The following WEE1 variants were observed in gnomAD, a reference collection of about 807,000 sequenced individuals.
The protein encoded by WEE1 is WEE1 G2 checkpoint kinase.
Under a neutral mutation model 68.8 loss-of-function variants are expected in WEE1, and 16 were observed. That is an observed-to-expected ratio of 0.23 (90% CI 0.16 to 0.35). WEE1 has a LOEUF of 0.35. Among genes scored for constraint, WEE1 ranks in the 10% least tolerant of loss-of-function variants. The pLI is 1.00. For missense variants in WEE1, 651 were observed against 824.1 expected, an observed-to-expected ratio of 0.79 and a Z score of 2.57; for synonymous variants, 349 against 318.7, an observed-to-expected ratio of 1.09 and a Z score of -1.01.
intron 10 of WEE1, 118 bp downstream of exon 10, chr11:9,586,974 TG>T (rs1224598259): frequency 8.0e-7 from 1 of 1,246,130 alleles, no homozygotes; most frequent in Non-Finnish European, 1.1e-6. Context: ...TTGTGTTTTT[TG>T]TTTTTTGAGA....
At chr11:9,587,336 T>C (rs906459370) in intron 10 of WEE1, among the ~76,000 whole-genome samples, 2 of 152,144 alleles carry the variant, frequency 1.3e-5, no homozygotes, top group African/African-American at 4.8e-5. Flanking sequence ...CCTATTAAAT[T>C]TGTGTTGTTT....
intron 8 of WEE1, 60 bp downstream of exon 8, chr11:9,585,587 A>G (rs1212528417): frequency 7.6e-7 from 1 of 1,318,784 alleles, no homozygotes; most frequent in African/African-American, 1.5e-5. Context: ...TTGATAGAAG[A>G]ATATAAATTC....
chr11:9,589,441 C>T lies in WEE1; in HGVS notation c.*839C>T. The T allele has an allele frequency of 1.0e-6, 1 of 985,002 alleles. No homozygotes were observed. Among genetic ancestry groups the T allele is most frequent in the Non-Finnish European group, 1.2e-6 (1 of 829,638 alleles). 61.0% of individuals were successfully genotyped at this position (985,002 alleles called of 1,614,324 possible). ...TAAATGTCTCCCCCTAAGTTTTATA[C>T]TTGATTGTATTATTAGTCTGTTTTT... is the stretch of plus-strand genomic sequence containing the variant. On this transcript the variant is annotated 3_prime_UTR_variant, in exon 11 of 11. Coordinates refer to ENST00000450114, the MANE Select transcript of WEE1 (RefSeq NM_003390.4).
chr11:9,589,107 A>G lies in WEE1; in HGVS notation c.*505A>G. On this transcript the variant is annotated 3_prime_UTR_variant, in exon 11 of 11. Transcript: ENST00000450114. ...GCACTTTGTAGGCATTGCATGAACC[A>G]TGGGATGATGATTCTGTGGAGGTAT... The G allele has an allele frequency of 2.0e-6, 2 of 985,722 alleles. No individual in the cohort carries two copies. Among genetic ancestry groups the G allele is most frequent in the Non-Finnish European group, 2.4e-6 (2 of 829,930 alleles). The allele number at this position is 985,722 out of a possible 1,614,324, so 61.1% of individuals were successfully genotyped here.
chr11:9,575,054 C>T, intron 1 of WEE1: 1 of 985,696 alleles, frequency 1.0e-6, no homozygotes, highest in Non-Finnish European at 1.2e-6. Context: ...AAAGGCTGGC[C>T]TTCCAAGCAT....
At chr11:9,581,277 C>A in intron 5 of WEE1, 1 of 382,940 alleles carries the variant, frequency 2.6e-6, no homozygotes. Context: ...CTGGTTTACT[C>A]TGAGAAAGAA....
intron 5 of WEE1, chr11:9,578,879 TTTTATTTATTTATTTA>T (rs61158431): frequency 7.3e-4 from 104 of 142,242 alleles, no homozygotes; most frequent in African/African-American, 2.4e-3. Flanking sequence ...GAAAATAAGT[TTTTATTTATTTATTTA>T]TTTATTTATT....
chr11:9,574,418 G>T lies in WEE1; in HGVS notation c.485G>T (p.Gly162Val), dbSNP rs1849540648. The change falls in exon 1 of 11, where the codon GGC becomes GTC. Residue 162 changes from glycine to valine, a missense_variant. This residue lies in a region of WEE1 where 395 missense variants were observed against 378.4 expected (regional missense o/e 1.04). Coordinates refer to ENST00000450114, the MANE Select transcript of WEE1 (RefSeq NM_003390.4). The surrounding 1 kb of genome is among the most constrained non-coding windows in gnomAD (Gnocchi z 4.9). ...RGCGARRAGE[G>V]RRSPRPDHPG... ...TGCGGGGCGCGCCGGGCGGGCGAAG[G>T]CCGCCGCTCGCCGCGGCCGGACCAC... The T allele has an allele frequency of 8.2e-7, 1 of 1,217,844 alleles. No individual in the cohort carries two copies. Among genetic ancestry groups the T allele is most frequent in the Non-Finnish European group, 1.0e-6 (1 of 984,514 alleles). 75.4% of individuals were successfully genotyped at this position (1,217,844 alleles called of 1,614,324 possible).
intron 5 of WEE1, chr11:9,578,617 A>G (rs1379804588): frequency 6.6e-6 from 1 of 152,218 alleles, no homozygotes; most frequent in Non-Finnish European, 1.5e-5. Flanking sequence ...TTTGTTAGAC[A>G]CCATCTCTTT....
At position 9,577,920 on chromosome 11, in the gene WEE1, T is replaced by C. The variant is rs12575651; in HGVS notation, c.1141+657T>C. 603 of 456,068 alleles carry C rather than the reference T, an allele frequency of 1.3e-3. 5 individuals are homozygous for C. The East Asian group carries it at 0.033, about 25-fold the overall frequency. The allele number at this position is 456,068 out of a possible 1,614,324, so 28.3% of individuals were successfully genotyped here. On this transcript the variant is annotated intron_variant, in intron 5 of 10. Transcript: ENST00000450114. ...GGTAAGTCCTTCAAGGGCCGACTTA[T>C]GTCTCTCCTTTTCTATTAAAAACCT...
chr11:9,575,446 T>C (rs1849555529), intron 1 of WEE1: 4 of 1,014,538 alleles, frequency 3.9e-6, no homozygotes, highest in Non-Finnish European at 4.7e-6. Flanking sequence ...CGAGCTGTAC[T>C]GTTTATTGGC....
Position 9,576,053 on chromosome 11 carries a change from T to G in WEE1, c.742T>G (p.Ser248Ala). 6.2e-7 allele frequency: 1 copy of G among 1,614,192 alleles called. No homozygotes were observed. Reference sequence around the variant, plus strand: ...TCCGGATTCTTTGTTGCTTCATTCCTCAGGACAGTGTCGTCGTAGAAAGAG... The same window carrying G: ...TCCGGATTCTTTGTTGCTTCATTCCGCAGGACAGTGTCGTCGTAGAAAGAG... ...FTPDSLLLHSSGQCRRRKRTY... is the reference protein window; with the variant it reads ...FTPDSLLLHSAGQCRRRKRTY... The change falls in exon 2 of 11, where the codon TCA (serine) becomes GCA (alanine). Residue 248 changes from serine (S) to alanine (A), a missense_variant. Coordinates refer to ENST00000450114, the MANE Select transcript of WEE1 (RefSeq NM_003390.4). The surrounding 1 kb of genome is among the most constrained non-coding windows in gnomAD (Gnocchi z 4.3).
Position 9,589,240 on chromosome 11 carries a change from G to A in WEE1, c.*638G>A, listed in dbSNP as rs1020701580. 6 of 982,806 alleles carry A rather than the reference G, an allele frequency of 6.1e-6. No individual in the cohort carries two copies. The highest frequency in any genetic ancestry group is 1.8e-5 in the African/African-American group (1 of 56,608). 60.9% of individuals were successfully genotyped at this position (982,806 alleles called of 1,614,324 possible). On this transcript the variant is annotated 3_prime_UTR_variant, in exon 11 of 11. Coordinates refer to ENST00000450114, the MANE Select transcript of WEE1 (RefSeq NM_003390.4). ...TCTTTTTGAAACAATTATGTGAAAT[G>A]TATAGCTGCTTTTGATGAAAAGCAG...
Position 9,576,153 on chromosome 11 carries a change from T to A in WEE1, c.782+60T>A. The stretch of plus-strand genomic sequence containing the variant: ...TAACCTAAGATTGGTTTGGTATACT[T>A]ATCAAAATTTAGTTCCTATTTAATG... On this transcript the variant is annotated intron_variant, in intron 2 of 10. Coordinates refer to ENST00000450114, the MANE Select transcript of WEE1 (RefSeq NM_003390.4). The surrounding 1 kb of genome is among the most constrained non-coding windows in gnomAD (Gnocchi z 4.3). The A allele has an allele frequency of 1.4e-5, 22 of 1,606,902 alleles. No homozygotes were observed. Among genetic ancestry groups the A allele is most frequent in the Non-Finnish European group, 1.9e-5 (22 of 1,175,490 alleles).
In WEE1 at chr11:9,574,417, G is replaced by A. The variant is rs1849540628; in HGVS notation, c.484G>A (p.Gly162Ser). The A allele has an allele frequency of 2.1e-5, 25 of 1,217,236 alleles. No homozygotes were observed. The highest frequency in any genetic ancestry group is 2.4e-5 in the Non-Finnish European group (24 of 984,196). 75.4% of individuals were successfully genotyped at this position (1,217,236 alleles called of 1,614,324 possible). A position where few individuals can be genotyped will look rare whatever the true frequency, so the allele number is the denominator to read the frequency against. Residue 162 changes from glycine to serine, a missense_variant, in exon 1 of 11, where the codon GGC becomes AGC. Gly to Ser is a moderately conservative substitution (Grantham distance 56). This residue lies in a region of WEE1 where 395 missense variants were observed against 378.4 expected (regional missense o/e 1.04). Coordinates refer to ENST00000450114, the MANE Select transcript of WEE1 (RefSeq NM_003390.4). This position sits in a 1 kb window ranked among gnomAD's most constrained non-coding sequence, Gnocchi z 4.9. ...RGCGARRAGEGRRSPRPDHPG... is the reference protein window; with the variant it reads ...RGCGARRAGESRRSPRPDHPG... The stretch of plus-strand genomic sequence containing the variant: ...TTGCGGGGCGCGCCGGGCGGGCGAA[G>A]GCCGCCGCTCGCCGCGGCCGGACCA...
Position 9,574,708 on chromosome 11 carries a change from C to T in WEE1, c.576+199C>T. 3.7e-6 allele frequency: 4 copies of T among 1,070,620 alleles called. No individual in the cohort carries two copies. Among genetic ancestry groups the T allele is most frequent in the Non-Finnish European group, 4.5e-6 (4 of 886,176 alleles). 66.3% of individuals were successfully genotyped at this position (1,070,620 alleles called of 1,614,324 possible). A position where few individuals can be genotyped will look rare whatever the true frequency, so the allele number is the denominator to read the frequency against. On this transcript the variant is annotated intron_variant, in intron 1 of 10. Coordinates refer to ENST00000450114, the MANE Select transcript of WEE1 (RefSeq NM_003390.4). This position sits in a 1 kb window ranked among gnomAD's most constrained non-coding sequence, Gnocchi z 4.9. ...GATTATGTAACTGAACAATGGGCCT[C>T]GTCTGGAACTTCATCTTACAAAGGG...
At position 9,575,364 on chromosome 11, in the gene WEE1, G is replaced by T. The variant is rs1849554350; in HGVS notation, c.577-524G>T. On this transcript the variant is annotated intron_variant, in intron 1 of 10. Transcript: ENST00000450114. ...CATTTGTAAGGTTAACAGGGAAGAT[G>T]CACCTTTTAAAGTGAGTTTGTTTTG... 4.0e-6 allele frequency: 4 copies of T among 991,296 alleles called. No individual in the cohort carries two copies. In the African/African-American group the frequency reaches 7.0e-5, roughly 17 times the overall value. The allele number at this position is 991,296 out of a possible 1,614,324, so 61.4% of individuals were successfully genotyped here.
At position 9,576,047 on chromosome 11, in the gene WEE1, C is replaced by T. The variant is rs1207216979; in HGVS notation, c.736C>T (p.His246Tyr). ...TTTTACTCCGGATTCTTTGTTGCTT[C>T]ATTCCTCAGGACAGTGTCGTCGTAG... ...NPFTPDSLLLHSSGQCRRRKR... is the reference protein window; with the variant it reads ...NPFTPDSLLLYSSGQCRRRKR... The change falls in exon 2 of 11, where the codon CAT becomes TAT. Residue 246 changes from histidine (H) to tyrosine (Y), a missense_variant. By Grantham distance (83) the His-to-Tyr change is moderately conservative. Around this residue, in one of 5 missense-constraint regions of WEE1, gnomAD observed 395 missense variants for 378.4 expected, o/e 1.04. Transcript: ENST00000450114. The surrounding 1 kb of genome is among the most constrained non-coding windows in gnomAD (Gnocchi z 4.3). 30 of 1,614,170 alleles carry T rather than the reference C, an allele frequency of 1.9e-5. No individual in the cohort carries two copies. The South Asian group carries it at 3.1e-4, about 17-fold the overall frequency.
intron 6 of WEE1, among the ~76,000 whole-genome samples, chr11:9,582,282 A>G (rs1849636457): frequency 6.6e-6 from 1 of 152,262 alleles, no homozygotes; most frequent in Non-Finnish European, 1.5e-5. Context: ...CTTTGTAAAA[A>G]TAATATACAC....
Sources: allele counts gnomAD v4.1 joint callset (sites outside exome capture counted in the v4.1 genomes callset), GRCh38; gene constraint gnomAD v4.1.1; regional missense constraint gnomAD v4.1.1; non-coding constraint Gnocchi (gnomAD v3.1); transcripts MANE v1.5; gene names NCBI Gene and HGNC (gene_info 2026-07-23, HGNC 2026-07-21).